AGPAT5: variants seen among roughly 807,000 people sequenced by gnomAD.
The protein encoded by AGPAT5 is 1-acyl-sn-glycerol-3-phosphate acyltransferase epsilon.
Under a neutral mutation model 45.6 loss-of-function variants are expected in AGPAT5, and 46 were observed. The ratio of observed to expected loss-of-function variants is 1.01; its 90% CI spans 0.80 to 1.29. AGPAT5 has a LOEUF of 1.29. Among genes scored for constraint, AGPAT5 ranks in the 50% most tolerant of loss-of-function variants. The probability of loss-of-function intolerance (pLI) is 0.00; values close to 1 mark genes in which losing one functional copy is unlikely to be tolerated. For synonymous variants in AGPAT5, 272 were observed against 167.0 expected (o/e 1.63, Z -4.85); for missense variants, 673 against 450.7 (o/e 1.49, Z -4.47).
chr8:6,729,376 G>C (rs1023671878), intron 2 of AGPAT5, among the ~76,000 whole-genome samples: 19 of 139,846 alleles, frequency 1.4e-4, no homozygotes, highest in African/African-American at 5.0e-4. Context: ...TCCTTCCTCT[G>C]ACTCACTCCT....
intron 3 of AGPAT5, among the ~76,000 whole-genome samples, chr8:6,731,143 G>C (rs1247650077): frequency 1.3e-5 from 2 of 152,052 alleles, no homozygotes; most frequent in Non-Finnish European, 2.9e-5. Flanking sequence ...TTATAGGTGT[G>C]AACTGCCATA....
At chr8:6,722,689 C>A (rs10109859) in intron 1 of AGPAT5, among the ~76,000 whole-genome samples, 2,995 of 152,250 alleles carry the variant, frequency 0.02, 82 homozygotes, top group African/African-American at 0.064. Context: ...CTAATTCAGG[C>A]CTTCTCCTGA....
At chr8:6,728,714 T>C (rs530630798) in intron 2 of AGPAT5, among the ~76,000 whole-genome samples, 1 of 152,376 alleles carries the variant, frequency 6.6e-6, no homozygotes, top group East Asian at 1.9e-4. Context: ...TGCTGTAGCC[T>C]GGTAACCATA....
At chr8:6,709,719 C>CT (rs796312751) in intron 1 of AGPAT5, among the ~76,000 whole-genome samples, 29 of 148,444 alleles carry the variant, frequency 2.0e-4, no homozygotes, top group East Asian at 2.0e-4. Context: ...GTCTTTTTAA[C>CT]TTTTTTTTTT....
At chr8:6,717,547 T>G (rs1024602537) in intron 1 of AGPAT5, among the ~76,000 whole-genome samples, 1 of 152,170 alleles carries the variant, frequency 6.6e-6, no homozygotes, top group Non-Finnish European at 1.5e-5. Context: ...AAAGAAAACT[T>G]GAATATATGC....
intron 4 of AGPAT5, among the ~76,000 whole-genome samples, chr8:6,738,220 G>A (rs953272855): frequency 6.6e-6 from 1 of 152,154 alleles, no homozygotes; most frequent in African/African-American, 2.4e-5. Flanking sequence ...AGCTATTGAT[G>A]TAAAGTGAGA....
At chr8:6,735,455 T>C (rs1473718119) in intron 4 of AGPAT5, among the ~76,000 whole-genome samples, 3 of 152,206 alleles carry the variant, frequency 2.0e-5, no homozygotes, top group African/African-American at 4.8e-5. Context: ...AGCCCAGGGG[T>C]TCGTCTGTTC....
At chr8:6,734,585 G>C (rs988059020) in intron 4 of AGPAT5, among the ~76,000 whole-genome samples, 1 of 152,014 alleles carries the variant, frequency 6.6e-6, no homozygotes. Context: ...TCCAACATCT[G>C]GGCCATATCT....
rs774525431 is a variant in AGPAT5, at chr8:6,747,816, C to A, written c.733C>A (p.Pro245Thr). 6.2e-7 allele frequency: 1 copy of A among 1,613,876 alleles called. No homozygotes were observed. The highest frequency in any genetic ancestry group is 1.7e-5 in the Admixed American group (1 of 59,996). The change falls in exon 6 of 8, where the codon CCG becomes ACG. Residue 245 changes from proline to threonine, a missense_variant. Physicochemically the swap from Pro to Thr is conservative, Grantham distance 38. Transcript: ENST00000285518. ...CGATGGAGGGCAGCGAAGAGAGTCA[C>A]CGACCATGACGGGTAAGTGTGTTCA... ...KDDGGQRRES[P>T]TMTEFLCKEC...
In AGPAT5 at chr8:6,757,613, A is replaced by C; in HGVS notation, c.*225A>C. 1 of 495,772 alleles carries C rather than the reference A, an allele frequency of 2.0e-6. No individual in the cohort carries two copies. Among genetic ancestry groups the C allele is most frequent in the East Asian group, 3.4e-5 (1 of 29,752 alleles). 30.7% of individuals were successfully genotyped at this position (495,772 alleles called of 1,614,324 possible). ...GGGGCTGCTGGAAGGGTAAAAGCTA[A>C]ATGGAGTTTCTCCTGCTCTGTCCAT... On this transcript the variant is annotated 3_prime_UTR_variant, in exon 8 of 8. Transcript: ENST00000285518.
chr8:6,719,501 G>A (rs1800432158), intron 1 of AGPAT5, among the ~76,000 whole-genome samples: 1 of 152,158 alleles, frequency 6.6e-6, no homozygotes, highest in Admixed American at 6.5e-5. Flanking sequence ...TCATACAAGA[G>A]GGAACCTGAT....
chr8:6,757,262 A>G lies in AGPAT5; in HGVS notation c.969A>G (p.Pro323=). The part of the protein sequence containing the change: ...NSKLSIKKTL[P]SMLILSGLTA... Reference sequence around the variant, plus strand: ...AATTAAGTATCAAGAAGACTTTACCATCAATGTTGATCTTAAGTGGTTTGA... The same window carrying G: ...AATTAAGTATCAAGAAGACTTTACCGTCAATGTTGATCTTAAGTGGTTTGA... The change falls in exon 8 of 8, where the codon CCA becomes CCG. Residue 323 remains proline, a synonymous_variant. Coordinates refer to ENST00000285518, the MANE Select transcript of AGPAT5 (RefSeq NM_018361.5). The G allele has an allele frequency of 1.2e-6, 2 of 1,614,180 alleles. No homozygotes were observed. The highest frequency in any genetic ancestry group is 1.7e-6 in the Non-Finnish European group (2 of 1,179,998).
chr8:6,733,679 G>C (rs182884891), intron 4 of AGPAT5, among the ~76,000 whole-genome samples: 2 of 152,258 alleles, frequency 1.3e-5, no homozygotes, highest in Admixed American at 1.3e-4. Context: ...CCAAAAGACA[G>C]AATAAGTTGG....
chr8:6,747,550 G>T, intron 5 of AGPAT5, 120 bp from the exon 6 acceptor site: 1 of 945,364 alleles, frequency 1.1e-6, no homozygotes, highest in Non-Finnish European at 1.6e-6. Context: ...ATATGAGGTT[G>T]TGGAATTAAT....
At position 6,730,620 on chromosome 8, in the gene AGPAT5, G is replaced by A. The variant is rs187335374; in HGVS notation, c.290-91G>A. The A allele has an allele frequency of 9.2e-3, 920 of 99,882 alleles. 362 individuals carry two copies. In the Admixed American group the frequency reaches 0.2, roughly 21 times the overall value. 6.2% of individuals were successfully genotyped at this position (99,882 alleles called of 1,614,324 possible). ...GCTGGGATTACAGGCGTGAGCCACC[G>A]CGCCCGGCCATCATAGTACTTTTGA... On this transcript the variant is annotated intron_variant, in intron 2 of 7. Coordinates refer to ENST00000285518, the MANE Select transcript of AGPAT5 (RefSeq NM_018361.5).
chr8:6,722,190 T>C (rs1042505464), intron 1 of AGPAT5, among the ~76,000 whole-genome samples: 1 of 152,154 alleles, frequency 6.6e-6, no homozygotes, highest in African/African-American at 2.4e-5. Context: ...GGAAACACCT[T>C]TACAGATGGA....
chr8:6,752,797 G>A (rs939854043), intron 6 of AGPAT5, among the ~76,000 whole-genome samples: 3 of 152,118 alleles, frequency 2.0e-5, no homozygotes, highest in Non-Finnish European at 4.4e-5. Flanking sequence ...TGCAAATGTG[G>A]ATATATAAGT....
chr8:6,743,209 C>T (rs1299518522), intron 5 of AGPAT5, among the ~76,000 whole-genome samples: 1 of 152,162 alleles, frequency 6.6e-6, no homozygotes, highest in Non-Finnish European at 1.5e-5. Flanking sequence ...TTTCCAGTGT[C>T]AGGTTTTGGT....
intron 6 of AGPAT5, among the ~76,000 whole-genome samples, chr8:6,753,626 C>T (rs1453317205): frequency 6.6e-6 from 1 of 152,128 alleles, no homozygotes; most frequent in Non-Finnish European, 1.5e-5. Context: ...TCCAAGGTTA[C>T]CCCAGAGGTG....
Sources: gnomAD v4.1 joint callset for allele counts (sites outside exome capture counted in the v4.1 genomes callset) on GRCh38, gnomAD v4.1.1 for gene constraint, MANE v1.5 for transcripts, NCBI Gene and HGNC (gene_info 2026-07-23, HGNC 2026-07-21) for gene names.